Variants in TMEM132B observed in about 807,000 individuals in gnomAD.
The protein encoded by TMEM132B is transmembrane protein 132B.
A neutral mutation model predicts 90.8 loss-of-function variants in TMEM132B; 18 were observed. That is an observed-to-expected ratio of 0.20 (90% CI 0.14 to 0.29). The LOEUF is 0.29. TMEM132B is among the 10% of genes least tolerant of loss of function. TMEM132B has a pLI of 1.00. For missense variants in TMEM132B, 1,096 were observed against 1,326.8 expected (o/e 0.83, Z 2.70); for synonymous variants, 504 against 523.3 (o/e 0.96, Z 0.50).
intron 1 of TMEM132B, among the ~76,000 whole-genome samples, chr12:125,336,652 G>A (rs1876970909): frequency 6.6e-6 from 1 of 152,216 alleles, no homozygotes; most frequent in Admixed American, 6.5e-5. Context: ...ACATGCAGTT[G>A]CACGATAACA....
At chr12:125,318,318 CT>C (rs530048970) in intron 1 of TMEM132B, among the ~76,000 whole-genome samples, 6,640 of 125,576 alleles carry the variant, frequency 0.053, 213 homozygotes, top group South Asian at 0.14. Flanking sequence ...TTCTTTCTTT[CT>C]TTTTTTTTTT....
intron 1 of TMEM132B, among the ~76,000 whole-genome samples, chr12:125,320,612 TG>T (rs1876401994): frequency 1.3e-5 from 2 of 152,144 alleles, no homozygotes; most frequent in South Asian, 4.1e-4. Context: ...TTTCCATTCC[TG>T]TGTTTAAGTA....
intron 3 of TMEM132B, among the ~76,000 whole-genome samples, chr12:125,476,020 A>C (rs2136512652): frequency 6.6e-6 from 1 of 152,268 alleles, no homozygotes; most frequent in East Asian, 1.9e-4. Flanking sequence ...GCTCCTTGTA[A>C]TTAAAACATG....
At chr12:125,421,640 A>G (rs77358272) in intron 3 of TMEM132B, among the ~76,000 whole-genome samples, 2,702 of 152,326 alleles carry the variant, frequency 0.018, 34 homozygotes, top group Non-Finnish European at 0.028. Context: ...GGAAAATCCA[A>G]TCTTTCAGGA....
intron 4 of TMEM132B, among the ~76,000 whole-genome samples, chr12:125,520,728 T>G (rs536061970): frequency 1.3e-5 from 2 of 152,270 alleles, no homozygotes; most frequent in Non-Finnish European, 2.9e-5. Flanking sequence ...ATATTTAGGG[T>G]TCATTTTCTG....
Position 125,246,170 on chromosome 12 carries a change from T to A in TMEM132B, c.67+59304T>A, listed in dbSNP as rs1171848683. The stretch of plus-strand genomic sequence containing the variant: ...TTCCGCTTCATGACAGTGATAGCTC[T>A]CAGTATTGACTGGACTGGAGGTCGC... On this transcript the variant is annotated intron_variant, in intron 1 of 8. Coordinates refer to ENST00000682704, the MANE Select transcript of TMEM132B (RefSeq NM_001366854.1). The surrounding 1 kb of genome is among the most constrained non-coding windows in gnomAD (Gnocchi z 4.2). Among the ~76,000 whole-genome samples, 2 of 152,204 alleles carry A rather than the reference T, an allele frequency of 1.3e-5. No individual in the cohort carries two copies. The highest frequency in any genetic ancestry group is 4.8e-5 in the African/African-American group (2 of 41,456).
chr12:125,530,564 T>C (rs950940273), intron 4 of TMEM132B, among the ~76,000 whole-genome samples: 22 of 152,256 alleles, frequency 1.4e-4, no homozygotes, highest in Admixed American at 3.9e-4. Context: ...GAATTTATTT[T>C]CTCACAGCTC....
intron 2 of TMEM132B, among the ~76,000 whole-genome samples, chr12:125,363,339 TG>T (rs1480875437): frequency 6.6e-6 from 1 of 152,156 alleles, no homozygotes; most frequent in Admixed American, 6.5e-5. Context: ...GAAGCCCTGA[TG>T]GGTACAGTGG....
At chr12:125,487,758 A>G (rs569552794) in intron 3 of TMEM132B, among the ~76,000 whole-genome samples, 4 of 151,996 alleles carry the variant, frequency 2.6e-5, no homozygotes, top group Non-Finnish European at 5.9e-5. Flanking sequence ...AGTGTCAAAC[A>G]TGTTTTTGCC....
rs753469251 is a variant in TMEM132B at position 125,654,344 on chromosome 12, C to A, written c.2886C>A (p.Asn962Lys). ...WLGNEVELLE[N>K]PVDITLPSEE... ...GGAATGAAGTGGAACTTTTGGAGAA[C>A]CCTGTTGACATTACACTCCCATCAG... is the stretch of plus-strand genomic sequence containing the variant. The change falls in exon 9 of 9, where the codon AAC becomes AAA. Residue 962 changes from asparagine (N) to lysine (K), a missense_variant. Asn to Lys is a moderately conservative substitution (Grantham distance 94). Transcript: ENST00000682704. The surrounding 1 kb of genome is among the most constrained non-coding windows in gnomAD (Gnocchi z 5.8). The A allele has an allele frequency of 1.2e-6, 2 of 1,612,858 alleles. No individual in the cohort carries two copies. The highest frequency in any genetic ancestry group is 2.2e-5 in the South Asian group (2 of 91,016).
In TMEM132B at chr12:125,657,336, C is replaced by CGTGTGTGTGTGTGTGT. The variant is rs113651659; in HGVS notation, c.*2644_*2659dup. 15 of 100,504 alleles carry CGTGTGTGTGTGTGTGT rather than the reference C, an allele frequency of 1.5e-4. No homozygotes were observed. The highest frequency in any genetic ancestry group is 4.5e-4 in the Admixed American group (4 of 8,864). 6.2% of individuals were successfully genotyped at this position (100,504 alleles called of 1,614,324 possible). On this transcript the variant is annotated 3_prime_UTR_variant, in exon 9 of 9. Coordinates refer to ENST00000682704, the MANE Select transcript of TMEM132B (RefSeq NM_001366854.1). ...ATAAACGCATATACATACATATACCCGTGTGTGTGTGTGTGTGTGTGTGTG... is the reference window on the plus strand; with the variant it reads ...ATAAACGCATATACATACATATACCCGTGTGTGTGTGTGTGTGTGTGTGTGTGTGTGTGTGTGTGTG...
rs565748688 is a variant in TMEM132B at position 125,408,299 on chromosome 12, C to G, written c.960-7232C>G. Among the ~76,000 whole-genome samples the G allele has an allele frequency of 6.6e-5, 10 of 152,186 alleles. No individual in the cohort carries two copies. Among genetic ancestry groups the G allele is most frequent in the African/African-American group, 2.4e-4 (10 of 41,496 alleles). Reference sequence around the variant, plus strand: ...TGCTAGGGTCTGAACGTCTGTATCCCCCACAAATTCGCATGTTGAAATTCT... The same window carrying G: ...TGCTAGGGTCTGAACGTCTGTATCCGCCACAAATTCGCATGTTGAAATTCT... On this transcript the variant is annotated intron_variant, in intron 2 of 8. Coordinates refer to ENST00000682704, the MANE Select transcript of TMEM132B (RefSeq NM_001366854.1). The surrounding 1 kb of genome is among the most constrained non-coding windows in gnomAD (Gnocchi z 5.9).
intron 3 of TMEM132B, among the ~76,000 whole-genome samples, chr12:125,485,943 C>G (rs1006068467): frequency 6.6e-6 from 1 of 152,146 alleles, no homozygotes; most frequent in South Asian, 2.1e-4. Context: ...AATCCACTTA[C>G]CGTGCAGTCT....
chr12:125,602,702 T>C (rs1566086505), intron 5 of TMEM132B, among the ~76,000 whole-genome samples: 1 of 152,244 alleles, frequency 6.6e-6, no homozygotes, highest in Non-Finnish European at 1.5e-5. Context: ...CATGATTCTA[T>C]ATTTTTAGAA....
chr12:125,460,358 G>C lies in TMEM132B; in HGVS notation c.1106+44681G>C, dbSNP rs1368864354. Among the ~76,000 whole-genome samples, 2 of 152,108 alleles carry C rather than the reference G, an allele frequency of 1.3e-5. No individual in the cohort carries two copies. Among genetic ancestry groups the C allele is most frequent in the East Asian group, 1.9e-4 (1 of 5,194 alleles). ...AATACAAGAATTAGCTGGGCATGGT[G>C]GTGGGCGCCTGTAATCTCAGCTACT... is the stretch of plus-strand genomic sequence containing the variant. On this transcript the variant is annotated intron_variant, in intron 3 of 8. Transcript: ENST00000682704. This position sits in a 1 kb window ranked among gnomAD's most constrained non-coding sequence, Gnocchi z 4.4.
chr12:125,354,585 G>A (rs1017428635), intron 2 of TMEM132B, among the ~76,000 whole-genome samples: 4 of 152,190 alleles, frequency 2.6e-5, no homozygotes, highest in African/African-American at 9.7e-5. Flanking sequence ...AGGATGCAAT[G>A]CTAAAAAGGG....
chr12:125,300,948 G>T (rs1875807137), intron 1 of TMEM132B: 1 of 152,054 alleles, frequency 6.6e-6, no homozygotes, highest in Non-Finnish European at 1.5e-5. Context: ...GGTTCCCATG[G>T]CATATAACTT....
chr12:125,629,304 C>T (rs1033511710), intron 5 of TMEM132B, among the ~76,000 whole-genome samples: 12 of 151,836 alleles, frequency 7.9e-5, no homozygotes, highest in African/African-American at 2.4e-4. Context: ...TTTTTGCTGT[C>T]CCCTTTAATT....
intron 1 of TMEM132B, among the ~76,000 whole-genome samples, chr12:125,256,538 A>G (rs956173618): frequency 1.3e-4 from 20 of 152,206 alleles, no homozygotes; most frequent in Non-Finnish European, 2.4e-4. Flanking sequence ...TATTATCTGC[A>G]GCTGTTTTTG....
Sources: allele counts gnomAD v4.1 joint callset (sites outside exome capture counted in the v4.1 genomes callset), GRCh38; gene constraint gnomAD v4.1.1; non-coding constraint Gnocchi (gnomAD v3.1); transcripts MANE v1.5; gene names NCBI Gene and HGNC (gene_info 2026-07-23, HGNC 2026-07-21).